PEX2: variants seen among roughly 807,000 people sequenced by gnomAD.
PEX2 encodes the protein peroxisome biogenesis factor 2.
In PEX2, 19 loss-of-function variants were observed where a neutral mutation model predicts 25.2. The observed-to-expected ratio is 0.75, with a 90% confidence interval of 0.53 to 1.10. PEX2 has a LOEUF of 1.10. Ranked by LOEUF, PEX2 falls within the 50% of genes least tolerant of loss-of-function variation. The pLI is 0.00. For missense variants in PEX2, 347 were observed against 350.6 expected (o/e 0.99, Z 0.08); for synonymous variants, 141 against 127.7 (o/e 1.10, Z -0.70).
chr8:76,996,557 G>A (rs1340943498), intron 1 of PEX2, among the ~76,000 whole-genome samples: 2 of 152,228 alleles, frequency 1.3e-5, no homozygotes, highest in African/African-American at 4.8e-5. Context: ...CACATGAAAT[G>A]TATGAGCAGC....
chr8:76,997,897 G>A (rs897468710), intron 1 of PEX2, among the ~76,000 whole-genome samples: 1 of 152,128 alleles, frequency 6.6e-6, no homozygotes, highest in Non-Finnish European at 1.5e-5. Context: ...GTTTAAAAGA[G>A]CAGGATTACA....
chr8:76,983,404 A>G lies in PEX2; in HGVS notation c.775T>C (p.Cys259Arg). ...EWPTMPHTIG[C>R]EHIFCYFCAK... The stretch of plus-strand genomic sequence containing the variant: ...CAGAAATAACAGAAAATATGCTCAC[A>G]TCCTATGGTGTGAGGCATGGTGGGC... The change falls in exon 4 of 4, where the codon TGT becomes CGT. Residue 259 changes from cysteine (C) to arginine (R), a missense_variant. By Grantham distance (180) the Cys-to-Arg change is radical. Coordinates refer to ENST00000357039, the MANE Select transcript of PEX2 (RefSeq NM_000318.3). The G allele has an allele frequency of 6.2e-7, 1 of 1,614,116 alleles. No individual in the cohort carries two copies.
intron 1 of PEX2, among the ~76,000 whole-genome samples, chr8:76,988,567 C>G (rs1807070337): frequency 6.6e-6 from 1 of 152,118 alleles, no homozygotes; most frequent in South Asian, 2.1e-4. Flanking sequence ...GAGGGTCCTG[C>G]CTTGATGTTG....
At chr8:76,988,593 T>C (rs1807070606) in intron 1 of PEX2, among the ~76,000 whole-genome samples, 2 of 152,176 alleles carry the variant, frequency 1.3e-5, no homozygotes, top group African/African-American at 4.8e-5. Context: ...TGCTGACTGA[T>C]CAGGGTGATG....
chr8:76,990,249 T>C (rs1807127973), intron 1 of PEX2, among the ~76,000 whole-genome samples: 1 of 151,452 alleles, frequency 6.6e-6, no homozygotes, highest in East Asian at 2.0e-4. Context: ...GATTAGGCTT[T>C]GGCTTAAAGG....
chr8:76,983,435 T>A lies in PEX2; in HGVS notation c.744A>T (p.Gly248=). ...ATSGKECALC[G]EWPTMPHTIG... ...TGGTGTGAGGCATGGTGGGCCACTC[T>A]CCACATAGAGCGCATTCTTTGCCAC... is the stretch of plus-strand genomic sequence containing the variant. Residue 248 remains glycine, a synonymous_variant, in exon 4 of 4, where the codon GGA becomes GGT. Coordinates refer to ENST00000357039, the MANE Select transcript of PEX2 (RefSeq NM_000318.3). 1 of 1,614,156 alleles carries A rather than the reference T, an allele frequency of 6.2e-7. No homozygotes were observed. Among genetic ancestry groups the A allele is most frequent in the African/African-American group, 1.3e-5 (1 of 75,046 alleles).
intron 1 of PEX2, among the ~76,000 whole-genome samples, chr8:76,993,810 G>T (rs1807243304): frequency 6.6e-6 from 1 of 152,076 alleles, no homozygotes; most frequent in South Asian, 2.1e-4. Flanking sequence ...CTAACTTTAA[G>T]ATTCCAAAAT....
rs2132039235 is a variant in PEX2 at position 76,980,628 on chromosome 8, C to T, written c.*2633G>A. On this transcript the variant is annotated 3_prime_UTR_variant, in exon 4 of 4. Transcript: ENST00000357039. ...AAGGCAGACCAGTAACAGTGAGCTC[C>T]TGGACTTTAGCTGTAACTATTAGGC... The T allele has an allele frequency of 6.6e-6, 1 of 152,336 alleles. No homozygotes were observed. Among genetic ancestry groups the T allele is most frequent in the Non-Finnish European group, 1.5e-5 (1 of 68,042 alleles). 9.4% of individuals were successfully genotyped at this position (152,336 alleles called of 1,614,324 possible). A position where few individuals can be genotyped will look rare whatever the true frequency, so the allele number is the denominator to read the frequency against.
intron 1 of PEX2, among the ~76,000 whole-genome samples, chr8:76,989,007 T>TAAA (rs56178165): frequency 0.045 from 5,861 of 129,834 alleles, 369 homozygotes; most frequent in African/African-American, 0.14. Flanking sequence ...CTACAAAAAC[T>TAAA]AAAAAAAAAA....
upstream of PEX2, chr8:77,000,817 G>C (rs1807492750): frequency 6.6e-6 from 1 of 152,402 alleles, no homozygotes; most frequent in Non-Finnish European, 1.5e-5. Context: ...CGGGCAGCCA[G>C]CTCGCCTACC....
chr8:76,989,016 A>AAG (rs1438512055), intron 1 of PEX2, among the ~76,000 whole-genome samples: 1 of 150,836 alleles, frequency 6.6e-6, no homozygotes, highest in Non-Finnish European at 1.5e-5. Context: ...CTAAAAAAAA[A>AAG]AAAAAAAAAA....
chr8:77,000,798 T>C (rs549352106), upstream of PEX2: 3 of 152,404 alleles, frequency 2.0e-5, no homozygotes, highest in South Asian at 6.2e-4. Context: ...CCGGTAACGC[T>C]TAGGAATTCG....
At chr8:76,988,907 A>G (rs927124720) in intron 1 of PEX2, among the ~76,000 whole-genome samples, 4 of 151,886 alleles carry the variant, frequency 2.6e-5, no homozygotes, top group Non-Finnish European at 5.9e-5. Flanking sequence ...CATAAGAAGC[A>G]ACTCACTGGG....
rs1460244090 is a variant in PEX2, at chr8:76,983,705, A to C, written c.474T>G (p.Leu158=). 1 of 1,614,100 alleles carries C rather than the reference A, an allele frequency of 6.2e-7. No homozygotes were observed. The highest frequency in any genetic ancestry group is 1.7e-5 in the Admixed American group (1 of 60,022). ...LGGLINFLIF[L]QRGKFATLTE... ...TCAAAGTTGCAAACTTTCCCCTCTG[A>C]AGGAAAATCAAAAAATTAATCAGCC... Residue 158 remains leucine (L), a synonymous_variant, in exon 4 of 4, where the codon CTT becomes CTG. Coordinates refer to ENST00000357039, the MANE Select transcript of PEX2 (RefSeq NM_000318.3).
intron 1 of PEX2, among the ~76,000 whole-genome samples, chr8:76,991,169 T>C (rs766863725): frequency 9.0e-4 from 137 of 152,260 alleles, no homozygotes; most frequent in Non-Finnish European, 1.7e-3. Flanking sequence ...TCAGAGTGAG[T>C]GGTTTGTCAG....
At chr8:76,995,791 G>A (rs1204317977) in intron 1 of PEX2, among the ~76,000 whole-genome samples, 1 of 152,158 alleles carries the variant, frequency 6.6e-6, no homozygotes, top group Non-Finnish European at 1.5e-5. Context: ...AGATGTTGGA[G>A]CGAGTATTGG....
In PEX2 at chr8:76,983,060, A is replaced by G. The variant is rs1806882855; in HGVS notation, c.*201T>C. On this transcript the variant is annotated 3_prime_UTR_variant, in exon 4 of 4. Coordinates refer to ENST00000357039, the MANE Select transcript of PEX2 (RefSeq NM_000318.3). ...AAAATTGAATGCAATGATTTAAAAA[A>G]CATAATACATTAACATTTACATAAT... 7.4e-7 allele frequency: 1 copy of G among 1,360,446 alleles called. No individual in the cohort carries two copies. Among genetic ancestry groups the G allele is most frequent in the African/African-American group, 1.5e-5 (1 of 68,136 alleles). The allele number at this position is 1,360,446 out of a possible 1,614,324, so 84.3% of individuals were successfully genotyped here. A position where few individuals can be genotyped will look rare whatever the true frequency, so the allele number is the denominator to read the frequency against.
Position 76,984,015 on chromosome 8 carries a change from T to G in PEX2, c.164A>C (p.Glu55Ala). Reference protein sequence around the residue: ...KPGLLARFEPEVKACLWVFLW... With the variant: ...KPGLLARFEPAVKACLWVFLW... The stretch of plus-strand genomic sequence containing the variant: ...GAAAACCCATAAGCACGCTTTCACC[T>G]CTGGCTCAAAGCGAGCTAACAGCCC... The change falls in exon 4 of 4, where the codon GAG (glutamate) becomes GCG (alanine). Residue 55 changes from glutamate (E) to alanine (A), a missense_variant. Glu to Ala is a moderately radical substitution (Grantham distance 107). Coordinates refer to ENST00000357039, the MANE Select transcript of PEX2 (RefSeq NM_000318.3). The G allele has an allele frequency of 6.2e-7, 1 of 1,613,854 alleles. No homozygotes were observed. Among genetic ancestry groups the G allele is most frequent in the Non-Finnish European group, 8.5e-7 (1 of 1,179,822 alleles).
At chr8:76,993,308 G>T (rs569113559) in intron 1 of PEX2, among the ~76,000 whole-genome samples, 8 of 152,272 alleles carry the variant, frequency 5.3e-5, no homozygotes, top group African/African-American at 1.2e-4. Context: ...AAAAACTGCC[G>T]TTCTGGGAGA....
Sources: allele counts gnomAD v4.1 joint callset (sites outside exome capture counted in the v4.1 genomes callset), GRCh38; gene constraint gnomAD v4.1.1; transcripts MANE v1.5; gene names NCBI Gene and HGNC (gene_info 2026-07-23, HGNC 2026-07-21).